ANO2: variants seen among roughly 807,000 people sequenced by gnomAD.
ANO2 encodes anoctamin 2.
In ANO2, 101 loss-of-function variants were observed where a neutral mutation model predicts 124.2. That is an observed-to-expected ratio of 0.81 (90% CI 0.69 to 0.96). The LOEUF (loss-of-function observed/expected upper bound fraction) is 0.96, where lower values mean the gene tolerates loss of function less well. Among genes scored for constraint, ANO2 ranks in the 40% least tolerant of loss-of-function variants. The pLI is 0.00. For missense variants in ANO2, 1,293 were observed against 1,274.5 expected (o/e 1.01, Z -0.22); for synonymous variants, 486 against 482.5 (o/e 1.01, Z -0.09).
chr12:5,862,866 C>T lies in ANO2; in HGVS notation c.535-8725G>A, dbSNP rs1178249329. Among the ~76,000 whole-genome samples, 1 of 152,226 alleles carries T rather than the reference C, an allele frequency of 6.6e-6. No homozygotes were observed. Among genetic ancestry groups the T allele is most frequent in the Non-Finnish European group, 1.5e-5 (1 of 68,038 alleles). Reference sequence around the variant, plus strand: ...AGTGCAATGGCGCAATCTTGGCTCACTGCAACCTCCACCTCCCAGGTTCAA... The same window carrying T: ...AGTGCAATGGCGCAATCTTGGCTCATTGCAACCTCCACCTCCCAGGTTCAA... On this transcript the variant is annotated intron_variant, in intron 3 of 24. Coordinates refer to ENST00000682330, the MANE Select transcript of ANO2 (RefSeq NM_001364791.2). This position sits in a 1 kb window ranked among gnomAD's most constrained non-coding sequence, Gnocchi z 4.0.
At chr12:5,647,206 T>C (rs935397041) in intron 15 of ANO2, among the ~76,000 whole-genome samples, 6 of 152,204 alleles carry the variant, frequency 3.9e-5, no homozygotes, top group Non-Finnish European at 5.9e-5. Context: ...ACTTTATTGA[T>C]CTAAGTCAAA....
intron 14 of ANO2, among the ~76,000 whole-genome samples, chr12:5,722,464 G>A (rs535998971): frequency 2.5e-4 from 38 of 152,150 alleles, no homozygotes; most frequent in Admixed American, 3.9e-4. Flanking sequence ...CTGAGATCGC[G>A]CCACTGCACT....
intron 5 of ANO2, 74 bp from the exon 6 acceptor site, chr12:5,830,563 C>T: frequency 7.3e-7 from 1 of 1,368,130 alleles, no homozygotes; most frequent in Non-Finnish European, 1.0e-6. Flanking sequence ...ACCCCAGACC[C>T]ACAACAAATC....
intron 20 of ANO2, among the ~76,000 whole-genome samples, chr12:5,594,489 G>A (rs572723169): frequency 2.0e-5 from 3 of 152,100 alleles, no homozygotes; most frequent in Non-Finnish European, 1.5e-5. Context: ...CTAATCCCAG[G>A]TCTGTATCTG....
chr12:5,580,106 T>C (rs1302236648), intron 20 of ANO2, among the ~76,000 whole-genome samples: 2 of 152,200 alleles, frequency 1.3e-5, no homozygotes, highest in Admixed American at 6.5e-5. Flanking sequence ...AAAGTTACAA[T>C]GTAGTAGGAC....
intron 22 of ANO2, among the ~76,000 whole-genome samples, chr12:5,577,711 T>C (rs1396766620): frequency 3.9e-5 from 6 of 152,230 alleles, no homozygotes; most frequent in Admixed American, 3.9e-4. Flanking sequence ...AGGGCCAAGG[T>C]ATGCATTCTG....
intron 3 of ANO2, among the ~76,000 whole-genome samples, chr12:5,885,416 G>C (rs1258737488): frequency 6.6e-6 from 1 of 152,238 alleles, no homozygotes; most frequent in Admixed American, 6.5e-5. Flanking sequence ...AAAGGTGGCT[G>C]CAAGAATAAA....
intron 3 of ANO2, among the ~76,000 whole-genome samples, chr12:5,907,631 A>C (rs1940785960): frequency 6.6e-6 from 1 of 151,738 alleles, no homozygotes; most frequent in African/African-American, 2.4e-5. Flanking sequence ...GCCCATAAAG[A>C]GGGGGAAAAA....
At chr12:5,610,037 A>ATAAATATATAT (rs1944412460) in intron 19 of ANO2, among the ~76,000 whole-genome samples, 1 of 137,788 alleles carries the variant, frequency 7.3e-6, no homozygotes, top group African/African-American at 2.7e-5. Flanking sequence ...TATTATAGAT[A>ATAAATATATAT]AATATAAATA....
chr12:5,689,290 C>G (rs1948833714), intron 14 of ANO2, among the ~76,000 whole-genome samples: 1 of 152,056 alleles, frequency 6.6e-6, no homozygotes, highest in Non-Finnish European at 1.5e-5. Context: ...GGTTAGAGAA[C>G]AGGAGATACG....
intron 4 of ANO2, among the ~76,000 whole-genome samples, chr12:5,839,133 G>A (rs1954425024): frequency 6.6e-6 from 1 of 152,228 alleles, no homozygotes; most frequent in African/African-American, 2.4e-5. Context: ...GGAGCCCTGT[G>A]AGTCCAGCTC....
rs1591710789 is a variant in ANO2 at position 5,862,674 on chromosome 12, C to T, written c.535-8533G>A. ...TAGCTCCCATAATTCCCACATGTTG[C>T]GGGAGGGACCTGGTGGGAGGTAACT... On this transcript the variant is annotated intron_variant, in intron 3 of 24. Coordinates refer to ENST00000682330, the MANE Select transcript of ANO2 (RefSeq NM_001364791.2). The surrounding 1 kb of genome is among the most constrained non-coding windows in gnomAD (Gnocchi z 4.0). Among the ~76,000 whole-genome samples, 2 of 152,160 alleles carry T rather than the reference C, an allele frequency of 1.3e-5. No homozygotes were observed. Among genetic ancestry groups the T allele is most frequent in the Non-Finnish European group, 2.9e-5 (2 of 68,022 alleles).
At chr12:5,644,253 C>A (rs1385184199) in intron 15 of ANO2, among the ~76,000 whole-genome samples, 1 of 152,200 alleles carries the variant, frequency 6.6e-6, no homozygotes, top group Non-Finnish European at 1.5e-5. Context: ...CCAGCTGTCC[C>A]AGAAGCACTT....
Position 5,769,176 on chromosome 12 carries a change from G to A in ANO2, c.1056-18206C>T, listed in dbSNP as rs1007222993. On this transcript the variant is annotated intron_variant, in intron 10 of 24. Coordinates refer to ENST00000682330, the MANE Select transcript of ANO2 (RefSeq NM_001364791.2). The surrounding 1 kb of genome is among the most constrained non-coding windows in gnomAD (Gnocchi z 4.0). ...CTCTCCTGTGCTGTGCCACTTTTAA[G>A]AAGAGGTTCCCTCTCTCCAACCAAT... Among the ~76,000 whole-genome samples the A allele has an allele frequency of 5.3e-5, 8 of 152,176 alleles. No homozygotes were observed. The East Asian group carries it at 1.5e-3, about 29-fold the overall frequency.
At chr12:5,754,006 A>G (rs936294652) in intron 10 of ANO2, among the ~76,000 whole-genome samples, 4 of 152,202 alleles carry the variant, frequency 2.6e-5, no homozygotes, top group Admixed American at 2.6e-4. Context: ...GATGTTAGCC[A>G]TGAGATTTTC....
At chr12:5,603,944 C>CAAA (rs63415160) in intron 19 of ANO2, among the ~76,000 whole-genome samples, 32,187 of 73,640 alleles carry the variant, frequency 0.44, 8,355 homozygotes, top group Non-Finnish European at 0.52. Flanking sequence ...GATTCCGTCT[C>CAAA]AAAAAAAAAA....
intron 3 of ANO2, among the ~76,000 whole-genome samples, chr12:5,896,420 A>G (rs1939795400): frequency 6.6e-6 from 1 of 152,214 alleles, no homozygotes; most frequent in Non-Finnish European, 1.5e-5. Context: ...AGACTACACA[A>G]AAGAACTTTA....
chr12:5,732,609 C>T lies in ANO2; in HGVS notation c.1456G>A (p.Glu486Lys), dbSNP rs1950689189. 1 of 1,613,676 alleles carries T rather than the reference C, an allele frequency of 6.2e-7. No homozygotes were observed. The highest frequency in any genetic ancestry group is 1.1e-5 in the South Asian group (1 of 91,018). Residue 486 changes from glutamate (E) to lysine (K), a missense_variant, in exon 14 of 25, where the codon GAA becomes AAA. Coordinates refer to ENST00000682330, the MANE Select transcript of ANO2 (RefSeq NM_001364791.2). ...EEEEHSRPEY[E>K]TKVREKMLKE... ...AGCATTTTCTCTCGAACTTTGGTTT[C>T]ATACTCAGGCCTGGAATGTTCCTAA...
intron 14 of ANO2, among the ~76,000 whole-genome samples, chr12:5,691,653 T>C (rs73035599): frequency 0.12 from 18,140 of 151,956 alleles, 1,221 homozygotes; most frequent in African/African-American, 0.19. Flanking sequence ...CCTATAATTC[T>C]GGCATTTTGG....
Sources: gnomAD v4.1 joint callset for allele counts (sites outside exome capture counted in the v4.1 genomes callset) on GRCh38, gnomAD v4.1.1 for gene constraint, Gnocchi (gnomAD v3.1) non-coding constraint, MANE v1.5 for transcripts, NCBI Gene and HGNC (gene_info 2026-07-23, HGNC 2026-07-21) for gene names.